The following NKAIN3 variants were observed in gnomAD, a reference collection of about 807,000 sequenced individuals.
The protein encoded by NKAIN3 is sodium/potassium-transporting ATPase subunit beta-1-interacting protein 3.
Under a neutral mutation model 30.2 loss-of-function variants are expected in NKAIN3, and 25 were observed. The ratio of observed to expected loss-of-function variants is 0.83; its 90% CI spans 0.60 to 1.16. NKAIN3 has a LOEUF of 1.16. Among genes scored for constraint, NKAIN3 ranks in the 50% most tolerant of loss-of-function variants. The probability of loss-of-function intolerance (pLI) is 0.00; values close to 1 mark genes in which losing one functional copy is unlikely to be tolerated. For synonymous variants in NKAIN3, 91 were observed against 89.6 expected (o/e 1.02, Z -0.09); for missense variants, 225 against 254.1 (o/e 0.89, Z 0.78).
At chr8:62,870,256 ATATATC>A (rs1381477259) in intron 4 of NKAIN3, among the ~76,000 whole-genome samples, 1,691 of 41,790 alleles carry the variant, frequency 0.04, 3 homozygotes, top group Middle Eastern at 0.1. Context: ...ATATCTATAT[ATATATC>A]TATATATAGA....
intron 4 of NKAIN3, among the ~76,000 whole-genome samples, chr8:62,869,037 G>A (rs1038814468): frequency 1.1e-4 from 16 of 152,178 alleles, no homozygotes; most frequent in African/African-American, 3.1e-4. Flanking sequence ...TCGCAACTAC[G>A]CAGAATAGGA....
intron 4 of NKAIN3, among the ~76,000 whole-genome samples, chr8:62,834,080 G>T (rs988188702): frequency 1.3e-5 from 2 of 152,008 alleles, no homozygotes; most frequent in African/African-American, 4.8e-5. Context: ...AAAATCAAAT[G>T]ATGATCTCAA....
intron 4 of NKAIN3, among the ~76,000 whole-genome samples, chr8:62,767,539 C>CT (rs886510970): frequency 3.6e-4 from 54 of 149,874 alleles, no homozygotes; most frequent in South Asian, 8.5e-4. Flanking sequence ...TCGATAAACT[C>CT]TTTTTTTTTT....
chr8:62,476,833 G>C (rs543431317), intron 1 of NKAIN3, among the ~76,000 whole-genome samples: 7 of 152,066 alleles, frequency 4.6e-5, no homozygotes, highest in Non-Finnish European at 7.4e-5. Flanking sequence ...TTTAACATCT[G>C]TTGGCTTGTC....
chr8:62,824,676 T>A, intron 4 of NKAIN3, among the ~76,000 whole-genome samples: 1 of 152,164 alleles, frequency 6.6e-6, no homozygotes, highest in East Asian at 1.9e-4. Context: ...TTTCCATGCT[T>A]TCTACTTGCC....
intron 3 of NKAIN3, among the ~76,000 whole-genome samples, chr8:62,684,170 G>A (rs1813726974): frequency 6.6e-6 from 1 of 152,106 alleles, no homozygotes; most frequent in Admixed American, 6.5e-5. Context: ...TCAAGTTGAA[G>A]GTTGTGTGAG....
At chr8:62,446,123 A>G (rs1428174901) in intron 1 of NKAIN3, among the ~76,000 whole-genome samples, 1 of 152,170 alleles carries the variant, frequency 6.6e-6, no homozygotes, top group African/African-American at 2.4e-5. Flanking sequence ...TGCCAATTTT[A>G]GGATTCAACC....
intron 4 of NKAIN3, among the ~76,000 whole-genome samples, chr8:62,861,154 A>G (rs761413495): frequency 1.1e-4 from 16 of 152,212 alleles, no homozygotes; most frequent in Non-Finnish European, 2.1e-4. Flanking sequence ...CAAGGCACAC[A>G]TGACAGAATT....
intron 1 of NKAIN3, among the ~76,000 whole-genome samples, chr8:62,318,918 C>T (rs1460341247): frequency 6.6e-6 from 1 of 152,052 alleles, no homozygotes; most frequent in Non-Finnish European, 1.5e-5. Context: ...GTACCAGCTC[C>T]TCCTTGTACC....
intron 4 of NKAIN3, among the ~76,000 whole-genome samples, chr8:62,842,310 G>A (rs967513986): frequency 2.0e-5 from 3 of 151,836 alleles, no homozygotes; most frequent in Non-Finnish European, 4.4e-5. Flanking sequence ...AAATCAGAAG[G>A]TAAAAGACTT....
downstream of NKAIN3, among the ~76,000 whole-genome samples, chr8:62,989,725 A>G (rs982009438): frequency 3.9e-5 from 6 of 152,320 alleles, no homozygotes; most frequent in South Asian, 2.1e-4. Flanking sequence ...AAATATGTAT[A>G]TATATAATTA....
intron 1 of NKAIN3, among the ~76,000 whole-genome samples, chr8:62,563,952 G>A (rs1023425873): frequency 2.0e-5 from 3 of 152,096 alleles, no homozygotes; most frequent in Non-Finnish European, 2.9e-5. Context: ...GTGCACAACC[G>A]TCAGGCAAAC....
At chr8:62,438,883 T>C (rs764035743) in intron 1 of NKAIN3, among the ~76,000 whole-genome samples, 19 of 152,266 alleles carry the variant, frequency 1.2e-4, no homozygotes, top group Non-Finnish European at 1.9e-4. Flanking sequence ...ACTATTAAAA[T>C]GCCAATGTTC....
At chr8:62,731,690 G>A (rs546999531) in intron 3 of NKAIN3, among the ~76,000 whole-genome samples, 29 of 152,172 alleles carry the variant, frequency 1.9e-4, no homozygotes, top group African/African-American at 5.8e-4. Context: ...CCCCGAAACC[G>A]CAAAAGCCAG....
intron 3 of NKAIN3, among the ~76,000 whole-genome samples, chr8:62,699,967 T>C (rs1039785019): frequency 1.3e-5 from 2 of 152,102 alleles, no homozygotes; most frequent in African/African-American, 4.8e-5. Context: ...CTCTAAAAAA[T>C]TTCTTTTTAA....
intron 6 of NKAIN3, among the ~76,000 whole-genome samples, chr8:62,957,853 G>C (rs907423837): frequency 6.6e-6 from 1 of 152,114 alleles, no homozygotes; most frequent in Non-Finnish European, 1.5e-5. Flanking sequence ...TAATGTAAAC[G>C]ATAGGCTTCG....
intron 3 of NKAIN3, among the ~76,000 whole-genome samples, chr8:62,703,406 G>A (rs1465862958): frequency 6.6e-6 from 1 of 152,004 alleles, no homozygotes; most frequent in African/African-American, 2.4e-5. Flanking sequence ...ATATTTTCCT[G>A]TATGTACCAT....
At chr8:62,993,315 C>T (rs1563658206) in intron 5 of NKAIN3, among the ~76,000 whole-genome samples, 3 of 152,090 alleles carry the variant, frequency 2.0e-5, no homozygotes, top group Non-Finnish European at 2.9e-5. Context: ...CAAATAGTTT[C>T]GTTTAGTATT....
At chr8:62,547,027 C>T (rs955114512) in intron 1 of NKAIN3, among the ~76,000 whole-genome samples, 1 of 152,190 alleles carries the variant, frequency 6.6e-6, no homozygotes, top group African/African-American at 2.4e-5. Flanking sequence ...CTTTTCATTA[C>T]TGTTGTCTAT....
Sources: gnomAD v4.1 joint callset for allele counts (sites outside exome capture counted in the v4.1 genomes callset) on GRCh38, gnomAD v4.1.1 for gene constraint, MANE v1.5 for transcripts, NCBI Gene and HGNC (gene_info 2026-07-23, HGNC 2026-07-21) for gene names.